The following GDAP2 variants were observed in gnomAD, a reference collection of about 807,000 sequenced individuals.
GDAP2 encodes ganglioside induced differentiation associated protein 2, also known as ganglioside-induced differentiation-associated protein 2.
In GDAP2, 51 loss-of-function variants were observed where a neutral mutation model predicts 67.0. That is an observed-to-expected ratio of 0.76 (90% CI 0.61 to 0.96). The LOEUF is 0.96. Ranked by LOEUF, GDAP2 falls within the 40% of genes least tolerant of loss-of-function variation. The pLI, the probability that GDAP2 is intolerant of heterozygous loss-of-function variation, is 0.00. For missense variants in GDAP2, 547 were observed against 588.3 expected (o/e 0.93, Z 0.73); for synonymous variants, 203 against 207.3 (o/e 0.98, Z 0.18).
intron 13 of GDAP2, among the ~76,000 whole-genome samples, chr1:117,874,049 C>T (rs1052869440): frequency 3.5e-4 from 53 of 152,210 alleles, no homozygotes; most frequent in Non-Finnish European, 7.3e-4. Context: ...ACACTCTTCA[C>T]TGACTACAAA....
intron 13 of GDAP2, among the ~76,000 whole-genome samples, chr1:117,876,577 G>A (rs944164478): frequency 2.0e-5 from 3 of 152,148 alleles, no homozygotes; most frequent in African/African-American, 7.2e-5. Flanking sequence ...ACAAAGAGAT[G>A]ATCCAATGAG....
intron 8 of GDAP2, among the ~76,000 whole-genome samples, chr1:117,895,959 G>C (rs564880455): frequency 6.6e-6 from 1 of 152,174 alleles, no homozygotes; most frequent in Non-Finnish European, 1.5e-5. Context: ...CCAGACTTGG[G>C]AGGTAGGTCT....
Position 117,868,612 on chromosome 1 carries a change from C to T in GDAP2, c.*1957G>A, listed in dbSNP as rs1648156078. The T allele has an allele frequency of 6.6e-6, 1 of 152,110 alleles. No individual in the cohort carries two copies. 9.4% of individuals were successfully genotyped at this position (152,110 alleles called of 1,614,324 possible). On this transcript the variant is annotated 3_prime_UTR_variant, in exon 14 of 14. Coordinates refer to ENST00000369443, the MANE Select transcript of GDAP2 (RefSeq NM_017686.4). Reference sequence around the variant, plus strand: ...CCAGGTTCTTGAGGTAGCCAAGTTCCCCTTTAACAAAGAAAAGTTGGCAGA... The same window carrying T: ...CCAGGTTCTTGAGGTAGCCAAGTTCTCCTTTAACAAAGAAAAGTTGGCAGA...
At chr1:117,900,878 G>C (rs1649445540) in intron 6 of GDAP2, among the ~76,000 whole-genome samples, 1 of 151,792 alleles carries the variant, frequency 6.6e-6, no homozygotes, top group South Asian at 2.1e-4. Flanking sequence ...GGCTAACACA[G>C]TGAAACCCCG....
chr1:117,877,948 C>T, intron 13 of GDAP2, 61 bp downstream of exon 13: 2 of 1,571,262 alleles, frequency 1.3e-6, no homozygotes, highest in South Asian at 1.2e-5. Flanking sequence ...CTCGTAAGTG[C>T]TGCTCTATAG....
rs1648217412 is a variant in GDAP2, at chr1:117,870,492, T to C, written c.*77A>G. On this transcript the variant is annotated 3_prime_UTR_variant, in exon 14 of 14. Coordinates refer to ENST00000369443, the MANE Select transcript of GDAP2 (RefSeq NM_017686.4). Reference sequence around the variant, plus strand: ...GCTCTCTGGATCTGTACAGCAACAATGAATATCACTTCAACAGGTAGCTAT... The same window carrying C: ...GCTCTCTGGATCTGTACAGCAACAACGAATATCACTTCAACAGGTAGCTAT... 3 of 899,612 alleles carry C rather than the reference T, an allele frequency of 3.3e-6. No individual in the cohort carries two copies. The highest frequency in any genetic ancestry group is 5.7e-6 in the Non-Finnish European group (3 of 528,814). 55.7% of individuals were successfully genotyped at this position (899,612 alleles called of 1,614,324 possible).
chr1:117,893,428 C>G (rs1649157693), intron 8 of GDAP2, among the ~76,000 whole-genome samples: 1 of 152,096 alleles, frequency 6.6e-6, no homozygotes, highest in Admixed American at 6.6e-5. Flanking sequence ...ACTGAGGTGA[C>G]AAGGCAGTGC....
intron 1 of GDAP2, among the ~76,000 whole-genome samples, chr1:117,924,986 CA>C (rs1650393080): frequency 6.6e-6 from 1 of 152,038 alleles, no homozygotes; most frequent in Middle Eastern, 3.2e-3. Context: ...TTTTTTATGA[CA>C]ATGAGTCATT....
At chr1:117,910,181 G>A (rs1649804766) in intron 5 of GDAP2, among the ~76,000 whole-genome samples, 1 of 152,064 alleles carries the variant, frequency 6.6e-6, no homozygotes, top group Non-Finnish European at 1.5e-5. Flanking sequence ...CAGGTTACTA[G>A]ACCTGGGAGT....
intron 6 of GDAP2, among the ~76,000 whole-genome samples, chr1:117,904,162 T>A (rs752211318): frequency 7.9e-5 from 12 of 152,042 alleles, no homozygotes; most frequent in Non-Finnish European, 4.4e-5. Flanking sequence ...AATTTTTTTT[T>A]ATTTTTAGCA....
At chr1:117,879,395 T>C (rs1570965982) in intron 12 of GDAP2, among the ~76,000 whole-genome samples, 1 of 152,038 alleles carries the variant, frequency 6.6e-6, no homozygotes, top group East Asian at 1.9e-4. Flanking sequence ...AATGTTGAAC[T>C]TCAGGGTCCT....
chr1:117,902,247 G>A (rs1649504119), intron 6 of GDAP2, among the ~76,000 whole-genome samples: 1 of 152,166 alleles, frequency 6.6e-6, no homozygotes, highest in Non-Finnish European at 1.5e-5. Context: ...CATGAAACAT[G>A]TCTGTTCAAA....
intron 5 of GDAP2, among the ~76,000 whole-genome samples, chr1:117,909,185 T>A (rs1649764018): frequency 6.6e-6 from 1 of 152,190 alleles, no homozygotes; most frequent in Non-Finnish European, 1.5e-5. Context: ...AAGAATGACA[T>A]CTAGGACATT....
At chr1:117,898,127 G>A (rs1467134036) in intron 7 of GDAP2, among the ~76,000 whole-genome samples, 1 of 152,150 alleles carries the variant, frequency 6.6e-6, no homozygotes, top group Non-Finnish European at 1.5e-5. Context: ...CTACTGTCCA[G>A]CACTCAAAGT....
In GDAP2 at chr1:117,883,621, A is replaced by G; in HGVS notation, c.1114T>C (p.Leu372=). ...TGATCCATTACATGAATGAAATATAAGAGAGCCTAAAAGATAAAAGGGGAA... is the reference window on the plus strand; with the variant it reads ...TGATCCATTACATGAATGAAATATAGGAGAGCCTAAAAGATAAAAGGGGAA... ...VTLIDMDKAL[L]YFIHVMDHIA... The change falls in exon 11 of 14, where the codon TTA becomes CTA. Residue 372 remains leucine (L), a synonymous_variant. Coordinates refer to ENST00000369443, the MANE Select transcript of GDAP2 (RefSeq NM_017686.4). The G allele has an allele frequency of 6.2e-7, 1 of 1,600,638 alleles. No individual in the cohort carries two copies. The highest frequency in any genetic ancestry group is 8.6e-7 in the Non-Finnish European group (1 of 1,169,048).
chr1:117,870,878 T>C (rs966493100), intron 13 of GDAP2, among the ~76,000 whole-genome samples: 1 of 152,200 alleles, frequency 6.6e-6, no homozygotes, highest in Admixed American at 6.5e-5. Flanking sequence ...TATAGGCGCT[T>C]TTAAAGTCAT....
At chr1:117,914,080 C>A (rs562358829) in intron 3 of GDAP2, among the ~76,000 whole-genome samples, 1 of 152,158 alleles carries the variant, frequency 6.6e-6, no homozygotes, top group Non-Finnish European at 1.5e-5. Context: ...TTTGTTATAG[C>A]AGCCTGAAAT....
chr1:117,918,607 C>A lies in GDAP2; in HGVS notation c.306G>T (p.Gln102His). The A allele has an allele frequency of 6.2e-7, 1 of 1,608,366 alleles. No individual in the cohort carries two copies. The highest frequency in any genetic ancestry group is 8.5e-7 in the Non-Finnish European group (1 of 1,175,120). ...AGAAAATTCACTCACCTTTAAGTTT[C>A]TGGAGATCTTCCTTCAAATCAGGCC... ...LAGPDLKEDLQKLKGCRTGEA... is the reference protein window; with the variant it reads ...LAGPDLKEDLHKLKGCRTGEA... Residue 102 changes from glutamine to histidine, a missense_variant, in exon 3 of 14, where the codon CAG becomes CAT. By Grantham distance (24) the Gln-to-His change is conservative. Coordinates refer to ENST00000369443, the MANE Select transcript of GDAP2 (RefSeq NM_017686.4).
intron 12 of GDAP2, among the ~76,000 whole-genome samples, chr1:117,881,575 C>T (rs1444519215): frequency 6.6e-6 from 1 of 151,914 alleles, no homozygotes. Flanking sequence ...TAAATGAGGC[C>T]CAGATGAACA....
Sources: allele counts gnomAD v4.1 joint callset (sites outside exome capture counted in the v4.1 genomes callset), GRCh38; gene constraint gnomAD v4.1.1; transcripts MANE v1.5; gene names NCBI Gene and HGNC (gene_info 2026-07-23, HGNC 2026-07-21).